Variants in PRKCZ observed in about 807,000 individuals in gnomAD.
The protein encoded by PRKCZ is protein kinase C zeta, also known as protein kinase C zeta type.
PRKCZ carries 33 observed loss-of-function variants against 79.5 expected under a neutral mutation model. That is an observed-to-expected ratio of 0.41 (90% CI 0.31 to 0.55). The LOEUF is 0.55. Among genes scored for constraint, PRKCZ ranks in the 20% least tolerant of loss-of-function variants. The pLI, the probability that PRKCZ is intolerant of heterozygous loss-of-function variation, is 0.19. For missense variants in PRKCZ, 578 were observed against 813.5 expected, an observed-to-expected ratio of 0.71 and a Z score of 3.52; for synonymous variants, 342 against 320.9, an observed-to-expected ratio of 1.07 and a Z score of -0.70.
intron 4 of PRKCZ, among the ~76,000 whole-genome samples, chr1:2,080,355 C>T (rs542786648): frequency 4.8e-4 from 73 of 152,246 alleles, no homozygotes; most frequent in African/African-American, 1.7e-3. Context: ...TGCGCGTGGA[C>T]GTGGCAGGTG....
At chr1:2,147,064 C>T (rs1678704654) in intron 7 of PRKCZ, among the ~76,000 whole-genome samples, 1 of 152,250 alleles carries the variant, frequency 6.6e-6, no homozygotes. Context: ...TCCATTCGTT[C>T]ATCTGTTGTC....
intron 4 of PRKCZ, among the ~76,000 whole-genome samples, chr1:2,100,772 G>A (rs1007658959): frequency 1.3e-5 from 2 of 152,134 alleles, no homozygotes; most frequent in Non-Finnish European, 2.9e-5. Flanking sequence ...CAGAGGCCTC[G>A]TGGGTTGGAG....
intron 4 of PRKCZ, among the ~76,000 whole-genome samples, chr1:2,121,443 C>T (rs1671864863): frequency 7.5e-6 from 1 of 132,638 alleles, no homozygotes; most frequent in Admixed American, 7.7e-5. Flanking sequence ...TAGTTAGAGT[C>T]ATGGCGGTAG....
chr1:2,150,831 C>T lies in PRKCZ; in HGVS notation c.729C>T (p.Ile243=). 6.2e-7 allele frequency: 1 copy of T among 1,614,186 alleles called. No homozygotes were observed. Among genetic ancestry groups the T allele is most frequent in the South Asian group, 1.1e-5 (1 of 91,082 alleles). ...PVIDGMDGIK[I]SQGLGLQDFD... is the part of the protein sequence containing the mutation. ...TCGATGGGATGGATGGAATCAAAAT[C>T]TCTCAGGGGCTTGGGCTGCAGGACT... Residue 243 remains isoleucine, a synonymous_variant, in exon 9 of 18, where the codon ATC becomes ATT. Transcript: ENST00000378567.
Position 2,178,025 on chromosome 1 carries a change from C to T in PRKCZ, c.1575+2712C>T, listed in dbSNP as rs1381695132. Reference sequence around the variant, plus strand: ...GTTTTGGCCAGATTGCTTTAGCTGTCCTCAGCAGGGTTGGTGTGGGGTCAC... The same window carrying T: ...GTTTTGGCCAGATTGCTTTAGCTGTTCTCAGCAGGGTTGGTGTGGGGTCAC... On this transcript the variant is annotated intron_variant, in intron 16 of 17. Transcript: ENST00000378567. The surrounding 1 kb of genome is among the most constrained non-coding windows in gnomAD (Gnocchi z 4.3). 6.6e-6 allele frequency among the ~76,000 whole-genome samples: 1 copy of T among 152,222 alleles called. No homozygotes were observed. Among genetic ancestry groups the T allele is most frequent in the East Asian group, 1.9e-4 (1 of 5,192 alleles).
intron 4 of PRKCZ, among the ~76,000 whole-genome samples, chr1:2,117,199 C>G (rs1187090665): frequency 6.6e-6 from 1 of 152,158 alleles, no homozygotes; most frequent in Non-Finnish European, 1.5e-5. Flanking sequence ...GTCCTTCTGC[C>G]TCAGCCTCCT....
chr1:2,130,908 C>T (rs960493055), intron 4 of PRKCZ, among the ~76,000 whole-genome samples: 1 of 152,092 alleles, frequency 6.6e-6, no homozygotes. Flanking sequence ...TTAAGCCACA[C>T]TCAGTCTCCA....
At chr1:2,151,117 C>T (rs1679819106) in intron 9 of PRKCZ, 139 bp downstream of exon 9, 1 of 1,069,944 alleles carries the variant, frequency 9.3e-7, no homozygotes, top group Non-Finnish European at 1.3e-6. Context: ...AATAGTCATG[C>T]ATCGTGTAAT....
rs1674225936 is a variant in PRKCZ at position 2,127,743 on chromosome 1, C to T, written c.335-7519C>T. On this transcript the variant is annotated intron_variant, in intron 4 of 17. Transcript: ENST00000378567. The surrounding 1 kb of genome is among the most constrained non-coding windows in gnomAD (Gnocchi z 5.1). Reference sequence around the variant, plus strand: ...ACTCTGCGTTCGTGTTCTCCATTGTCCCTGGCAGCCCCTGGCCAGGGTGGC... The same window carrying T: ...ACTCTGCGTTCGTGTTCTCCATTGTTCCTGGCAGCCCCTGGCCAGGGTGGC... Among the ~76,000 whole-genome samples, 1 of 152,184 alleles carries T rather than the reference C, an allele frequency of 6.6e-6. No homozygotes were observed. Among genetic ancestry groups the T allele is most frequent in the South Asian group, 2.1e-4 (1 of 4,832 alleles).
rs915365665 is a variant in PRKCZ, at chr1:2,173,339, T to C, written c.1286-558T>C. On this transcript the variant is annotated intron_variant, in intron 13 of 17. Coordinates refer to ENST00000378567, the MANE Select transcript of PRKCZ (RefSeq NM_002744.6). This position sits in a 1 kb window ranked among gnomAD's most constrained non-coding sequence, Gnocchi z 5.7. ...CCCAGCTTGGGATGGGGATTCCGTGTGGGACAGCGGCAGCGTCTCACCTCA... is the reference window on the plus strand; with the variant it reads ...CCCAGCTTGGGATGGGGATTCCGTGCGGGACAGCGGCAGCGTCTCACCTCA... Among the ~76,000 whole-genome samples, 3 of 152,142 alleles carry C rather than the reference T, an allele frequency of 2.0e-5. No individual in the cohort carries two copies. Among genetic ancestry groups the C allele is most frequent in the Non-Finnish European group, 4.4e-5 (3 of 68,014 alleles).
At chr1:2,071,201 CT>C in intron 4 of PRKCZ, 1 of 261,934 alleles carries the variant, frequency 3.8e-6, no homozygotes, top group Non-Finnish European at 7.9e-6. Flanking sequence ...GTTTCCTCCT[CT>C]GTAAAAGGGG....
At position 2,185,021 on chromosome 1, in the gene PRKCZ, T is replaced by A. The variant is rs1234881485; in HGVS notation, c.*12T>A. 6.2e-7 allele frequency: 1 copy of A among 1,606,082 alleles called. No homozygotes were observed. Among genetic ancestry groups the A allele is most frequent in the Non-Finnish European group, 8.5e-7 (1 of 1,174,826 alleles). ...AGGAGTCGGTGTGAGGCCGCGTGCG[T>A]CTCTGTCGTGGACACGCGTGATTGA... On this transcript the variant is annotated 3_prime_UTR_variant, in exon 18 of 18. Transcript: ENST00000378567.
chr1:2,057,266 A>C (rs138709335), intron 3 of PRKCZ, among the ~76,000 whole-genome samples: 4 of 152,296 alleles, frequency 2.6e-5, no homozygotes, highest in Non-Finnish European at 5.9e-5. Context: ...GATTGTGATC[A>C]TTTCCACTTT....
At chr1:2,143,852 C>T (rs1478135038) in intron 5 of PRKCZ, 1 of 190,890 alleles carries the variant, frequency 5.2e-6, no homozygotes, top group African/African-American at 2.3e-5. Flanking sequence ...GGACCCCAGG[C>T]TGCTCTACGC....
intron 4 of PRKCZ, among the ~76,000 whole-genome samples, chr1:2,104,328 A>G (rs1440754379): frequency 1.3e-5 from 2 of 151,974 alleles, no homozygotes; most frequent in African/African-American, 4.8e-5. Flanking sequence ...TGAAGCCTGG[A>G]CTCCTAGCCC....
chr1:2,161,719 C>T (rs532162289), intron 10 of PRKCZ, among the ~76,000 whole-genome samples: 7 of 152,298 alleles, frequency 4.6e-5, no homozygotes, highest in African/African-American at 1.7e-4. Context: ...GATGATTTTG[C>T]TAGTAGTGAG....
In PRKCZ at chr1:2,075,941, C is replaced by T. The variant is rs1018266008; in HGVS notation, c.334+16350C>T. 3.9e-5 allele frequency among the ~76,000 whole-genome samples: 6 copies of T among 152,228 alleles called. No individual in the cohort carries two copies. The highest frequency in any genetic ancestry group is 1.3e-4 in the Admixed American group (2 of 15,284). ...TGATCGCCGAGGACTCAGCCGGGCA[C>T]ATGGAGGTTGAACTGTTGGGGGGCG... is the stretch of plus-strand genomic sequence containing the variant. On this transcript the variant is annotated intron_variant, in intron 4 of 17. Coordinates refer to ENST00000378567, the MANE Select transcript of PRKCZ (RefSeq NM_002744.6). This position sits in a 1 kb window ranked among gnomAD's most constrained non-coding sequence, Gnocchi z 4.8.
intron 4 of PRKCZ, chr1:2,104,687 G>C (rs1668060186): frequency 3.0e-6 from 3 of 985,756 alleles, no homozygotes; most frequent in Non-Finnish European, 3.6e-6. Flanking sequence ...GAGAGAGGGA[G>C]GCTGGGCCTG....
chr1:2,085,967 G>A (rs1365092436), intron 4 of PRKCZ, among the ~76,000 whole-genome samples: 1 of 152,062 alleles, frequency 6.6e-6, no homozygotes, highest in East Asian at 1.9e-4. Flanking sequence ...CCAGGAGTAA[G>A]AGCTGTGTCT....
Sources: allele counts gnomAD v4.1 joint callset (sites outside exome capture counted in the v4.1 genomes callset), GRCh38; gene constraint gnomAD v4.1.1; non-coding constraint Gnocchi (gnomAD v3.1); transcripts MANE v1.5; gene names NCBI Gene and HGNC (gene_info 2026-07-23, HGNC 2026-07-21).